PRKCH: variants seen among roughly 807,000 people sequenced by gnomAD.
PRKCH encodes protein kinase C eta type.
PRKCH carries 28 observed loss-of-function variants against 82.5 expected under a neutral mutation model. The ratio of observed to expected loss-of-function variants is 0.34; its 90% CI spans 0.25 to 0.47. The LOEUF is 0.47. PRKCH is among the 20% of genes least tolerant of loss of function. The pLI, the probability that PRKCH is intolerant of heterozygous loss-of-function variation, is 1.00. For synonymous variants in PRKCH, 322 were observed against 327.4 expected (o/e 0.98, Z 0.18); for missense variants, 705 against 881.8 (o/e 0.80, Z 2.54).
At chr14:61,287,129 CGG>C (rs2045322058) in intron 1 of PRKCH, among the ~76,000 whole-genome samples, 1 of 146,010 alleles carries the variant, frequency 6.8e-6, no homozygotes, top group African/African-American at 2.6e-5. Context: ...CGCTTGAACC[CGG>C]GAAGCAGAGG....
At chr14:61,318,468 G>C (rs909757055), upstream of PRKCH, among the ~76,000 whole-genome samples, 1 of 147,278 alleles carries the variant, frequency 6.8e-6, no homozygotes, top group African/African-American at 2.5e-5. Context: ...TCCTCCCAAA[G>C]TGCTGGGATT....
chr14:61,513,912 C>A (rs544574160), intron 10 of PRKCH, among the ~76,000 whole-genome samples: 1 of 152,062 alleles, frequency 6.6e-6, no homozygotes, highest in South Asian at 2.1e-4. Context: ...GAGGGAATAT[C>A]ATCGTGTCCC....
intron 12 of PRKCH, chr14:61,544,054 C>T (rs1345034328): frequency 4.6e-5 from 7 of 152,304 alleles, no homozygotes; most frequent in African/African-American, 9.7e-5. Context: ...CTCCTTCTCC[C>T]GGTCCTGGTT....
intron 1 of PRKCH, among the ~76,000 whole-genome samples, chr14:61,349,465 G>A (rs1220240820): frequency 1.3e-5 from 2 of 152,186 alleles, no homozygotes; most frequent in African/African-American, 4.8e-5. Flanking sequence ...AAGAGTCTGA[G>A]TTCAAACCCA....
intron 1 of PRKCH, among the ~76,000 whole-genome samples, chr14:61,359,573 G>A (rs1012428049): frequency 2.0e-5 from 3 of 152,098 alleles, no homozygotes; most frequent in Non-Finnish European, 4.4e-5. Flanking sequence ...ATTTTCCATC[G>A]ATCTGGAGAT....
At chr14:61,269,875 C>T (rs990799794) in intron 1 of PRKCH, among the ~76,000 whole-genome samples, 1 of 152,206 alleles carries the variant, frequency 6.6e-6, no homozygotes, top group Non-Finnish European at 1.5e-5. Context: ...CCACAGGTCC[C>T]GTCAGGGGCA....
intron 1 of PRKCH, among the ~76,000 whole-genome samples, chr14:61,339,273 T>G (rs1298748044): frequency 1.3e-5 from 2 of 151,910 alleles, no homozygotes; most frequent in Non-Finnish European, 2.9e-5. Context: ...AGGCCTTCCC[T>G]TCTGTGTTTT....
intron 1 of PRKCH, among the ~76,000 whole-genome samples, chr14:61,218,514 T>G (rs981750141): frequency 2.6e-5 from 4 of 152,164 alleles, no homozygotes; most frequent in African/African-American, 9.7e-5. Context: ...TATGCTTTTG[T>G]ACATTCCACA....
At chr14:61,249,600 C>T (rs1033143920) in intron 1 of PRKCH, among the ~76,000 whole-genome samples, 3 of 150,978 alleles carry the variant, frequency 2.0e-5, no homozygotes, top group Non-Finnish European at 2.9e-5. Context: ...CCATTTGCTC[C>T]ACCAATGGCA....
intron 1 of PRKCH, among the ~76,000 whole-genome samples, chr14:61,229,778 TG>T (rs1426240031): frequency 6.6e-6 from 1 of 152,116 alleles, no homozygotes; most frequent in Admixed American, 6.5e-5. Flanking sequence ...TCGATAGAAA[TG>T]GGCTCTATTC....
At chr14:61,281,119 G>A in intron 1 of PRKCH, 1 of 1,424,078 alleles carries the variant, frequency 7.0e-7, no homozygotes, top group Middle Eastern at 2.2e-4. Flanking sequence ...GGGCTGGTGG[G>A]CGCCCCGGGC....
chr14:61,230,969 T>C (rs1275304222), intron 1 of PRKCH, among the ~76,000 whole-genome samples: 2 of 152,256 alleles, frequency 1.3e-5, no homozygotes, highest in Non-Finnish European at 2.9e-5. Flanking sequence ...AATTTAGTAA[T>C]AGCTTTGCCT....
At chr14:61,241,890 C>T (rs2044841695) in intron 1 of PRKCH, among the ~76,000 whole-genome samples, 1 of 152,104 alleles carries the variant, frequency 6.6e-6, no homozygotes, top group African/African-American at 2.4e-5. Flanking sequence ...ATGGGATAAA[C>T]CGTGTTAGGC....
intron 1 of PRKCH, among the ~76,000 whole-genome samples, chr14:61,247,755 A>AAAAAAAAAAG (rs1555371277): frequency 6.7e-6 from 1 of 149,340 alleles, no homozygotes; most frequent in East Asian, 2.0e-4. Context: ...AAAAAAAAAA[A>AAAAAAAAAAG]AAAGAAAGAA....
chr14:61,447,537 TG>T (rs1884286176), intron 4 of PRKCH, among the ~76,000 whole-genome samples: 1 of 152,326 alleles, frequency 6.6e-6, no homozygotes, highest in South Asian at 2.1e-4. Flanking sequence ...GACCACATTC[TG>T]GGCCATAAAA....
chr14:61,461,891 G>A (rs1566895972), intron 9 of PRKCH, among the ~76,000 whole-genome samples: 1 of 152,204 alleles, frequency 6.6e-6, no homozygotes, highest in Non-Finnish European at 1.5e-5. Flanking sequence ...GCCTTTACTA[G>A]CATTGAAGTC....
At chr14:61,354,729 G>C (rs943488312) in intron 1 of PRKCH, among the ~76,000 whole-genome samples, 1 of 152,100 alleles carries the variant, frequency 6.6e-6, no homozygotes, top group Non-Finnish European at 1.5e-5. Flanking sequence ...AGGCCTTTAT[G>C]TATTCCCCAG....
At chr14:61,226,782 T>C (rs1360497156) in intron 1 of PRKCH, among the ~76,000 whole-genome samples, 1 of 152,214 alleles carries the variant, frequency 6.6e-6, no homozygotes, top group Non-Finnish European at 1.5e-5. Flanking sequence ...CCAGGGCTTG[T>C]CTTGTCCTAT....
Position 61,457,715 on chromosome 14 carries a change from C to T in PRKCH, c.1278+36C>T, listed in dbSNP as rs754561007. ...ATCACATTCACTGCACCAACAGCCT[C>T]TTTTCTTACAGAGCTGAGACAGTAA... is the stretch of plus-strand genomic sequence containing the variant. On this transcript the variant is annotated intron_variant, in intron 9 of 13. Coordinates refer to ENST00000332981, the MANE Select transcript of PRKCH (RefSeq NM_006255.5). 4 of 1,606,908 alleles carry T rather than the reference C, an allele frequency of 2.5e-6. No individual in the cohort carries two copies. In the South Asian group the frequency reaches 4.4e-5, roughly 18 times the overall value.
Sources: allele counts gnomAD v4.1 joint callset (sites outside exome capture counted in the v4.1 genomes callset), GRCh38; gene constraint gnomAD v4.1.1; transcripts MANE v1.5; gene names NCBI Gene and HGNC (gene_info 2026-07-23, HGNC 2026-07-21).